Variants in ZEB1 observed in about 807,000 individuals in gnomAD.
The protein encoded by ZEB1 is zinc finger E-box binding homeobox 1.
In ZEB1, 21 loss-of-function variants were observed where a neutral mutation model predicts 84.9. The ratio of observed to expected loss-of-function variants is 0.25; its 90% CI spans 0.18 to 0.36. ZEB1 has a LOEUF of 0.36. Among genes scored for constraint, ZEB1 ranks in the 10% least tolerant of loss-of-function variants. The pLI is 1.00. For missense variants in ZEB1, 1,104 were observed against 1,330.2 expected, an observed-to-expected ratio of 0.83 and a Z score of 2.65; for synonymous variants, 420 against 471.1, an observed-to-expected ratio of 0.89 and a Z score of 1.41.
At chr10:31,446,252 C>G (rs1395707694) in intron 1 of ZEB1, among the ~76,000 whole-genome samples, 1 of 152,052 alleles carries the variant, frequency 6.6e-6, no homozygotes, top group Non-Finnish European at 1.5e-5. Flanking sequence ...TCTGTGGGAT[C>G]GGTGGTGATA....
intron 1 of ZEB1, among the ~76,000 whole-genome samples, chr10:31,341,368 G>A (rs2039327676): frequency 6.6e-6 from 1 of 152,004 alleles, no homozygotes; most frequent in Admixed American, 6.6e-5. Flanking sequence ...ATGACCAGTG[G>A]GAGAGAAAAA....
chr10:31,363,143 C>T (rs919626815), intron 1 of ZEB1: 7 of 1,533,920 alleles, frequency 4.6e-6, no homozygotes, highest in Non-Finnish European at 6.1e-6. Context: ...GCTGCAGGAT[C>T]CTTGGGCTGC....
At chr10:31,366,045 G>A (rs184410118) in intron 1 of ZEB1, among the ~76,000 whole-genome samples, 251 of 152,272 alleles carry the variant, frequency 1.6e-3, no homozygotes, top group Non-Finnish European at 2.7e-3. Flanking sequence ...GCAAATCAGA[G>A]CTAATCAACC....
At chr10:31,414,507 TTAAAA>T (rs2054868503) in intron 1 of ZEB1, among the ~76,000 whole-genome samples, 1 of 152,194 alleles carries the variant, frequency 6.6e-6, no homozygotes. Context: ...CATAAATACT[TTAAAA>T]TAAATTTGAA....
At position 31,527,069 on chromosome 10, in the gene ZEB1, A is replaced by G. The variant is rs2073605946; in HGVS notation, c.3183A>G (p.Gln1061=). ...AAGAAAAAGAATGTGAAAAACCACA[A>G]GGGGATGAGGAAGAGGAGGAGGAGG... ...LQEEKECEKP[Q]GDEEEEEEEE... Residue 1061 remains glutamine, a synonymous_variant, in exon 9 of 9, where the codon CAA becomes CAG. Transcript: ENST00000424869. 3.2e-6 allele frequency: 5 copies of G among 1,586,762 alleles called. No individual in the cohort carries two copies. Among genetic ancestry groups the G allele is most frequent in the Non-Finnish European group, 4.3e-6 (5 of 1,164,002 alleles).
chr10:31,372,911 T>C, intron 1 of ZEB1: 1 of 682,602 alleles, frequency 1.5e-6, no homozygotes, highest in Non-Finnish European at 1.8e-6. Context: ...ATATTAGGAC[T>C]GCTTGAACAG....
chr10:31,375,090 C>CACACACACACACACACAG (rs1204880411), intron 1 of ZEB1: 3 of 139,920 alleles, frequency 2.1e-5, no homozygotes, highest in South Asian at 2.2e-4. Flanking sequence ...CACACACACA[C>CACACACACACACACACAG]AGAGAAGCAT....
intron 1 of ZEB1, among the ~76,000 whole-genome samples, chr10:31,441,640 A>G (rs1157482272): frequency 6.6e-6 from 1 of 152,090 alleles, no homozygotes; most frequent in African/African-American, 2.4e-5. Flanking sequence ...ATGGGAAAAA[A>G]TTTTTGCAAT....
At chr10:31,318,930 C>T (rs888492431), upstream of ZEB1, 14 of 467,514 alleles carry the variant, frequency 3.0e-5, no homozygotes, top group African/African-American at 2.0e-4. Context: ...CCTTTCTGAC[C>T]GCGTCCCTAC....
At chr10:31,342,006 C>T (rs2039462937) in intron 1 of ZEB1, among the ~76,000 whole-genome samples, 1 of 152,130 alleles carries the variant, frequency 6.6e-6, no homozygotes, top group African/African-American at 2.4e-5. Context: ...TTTAGATGAT[C>T]AGCTGTGCCA....
At chr10:31,455,342 A>G (rs1185889159) in intron 1 of ZEB1, among the ~76,000 whole-genome samples, 1 of 152,230 alleles carries the variant, frequency 6.6e-6, no homozygotes, top group African/African-American at 2.4e-5. Context: ...CATTCAGGTC[A>G]TAGGCATGGG....
chr10:31,456,137 C>T (rs559519468), intron 1 of ZEB1, among the ~76,000 whole-genome samples: 6 of 152,308 alleles, frequency 3.9e-5, no homozygotes, highest in Non-Finnish European at 8.8e-5. Flanking sequence ...AACCATCATT[C>T]TCAGCAAACT....
At chr10:31,333,604 A>G (rs920506868) in intron 1 of ZEB1, among the ~76,000 whole-genome samples, 2 of 152,184 alleles carry the variant, frequency 1.3e-5, no homozygotes, top group Admixed American at 6.5e-5. Context: ...GAAGTAGAAC[A>G]AGAAACAATA....
Position 31,526,958 on chromosome 10 carries a change from CGAGAGAGA to C in ZEB1, c.3076_3083del (p.Arg1026PhefsTer7), listed in dbSNP as rs777463055. On this transcript the variant is annotated frameshift_variant, in exon 9 of 9. Transcript: ENST00000424869. LOFTEE classifies it low-confidence loss of function (END_TRUNC). ...CGTCTCCCTCACAGGGCGACTCGGA[CGAGAGAGA>C]GAGTTTGACAAGGGAAGAGGATGAA... The C allele has an allele frequency of 1.2e-6, 2 of 1,612,628 alleles. No homozygotes were observed. Among genetic ancestry groups the C allele is most frequent in the Non-Finnish European group, 1.7e-6 (2 of 1,179,762 alleles).
chr10:31,320,976 C>T (rs964981751), intron 1 of ZEB1, among the ~76,000 whole-genome samples: 1 of 152,118 alleles, frequency 6.6e-6, no homozygotes, highest in Non-Finnish European at 1.5e-5. Context: ...CCGAGGGGCT[C>T]GCTTTGGTTC....
intron 1 of ZEB1, among the ~76,000 whole-genome samples, chr10:31,338,011 T>C (rs969948892): frequency 1.3e-5 from 2 of 152,130 alleles, no homozygotes; most frequent in African/African-American, 4.8e-5. Context: ...ACCCTGGTTG[T>C]GTGATACTCC....
At chr10:31,319,394 G>C in intron 1 of ZEB1, 102 bp downstream of exon 1, 1 of 1,155,086 alleles carries the variant, frequency 8.7e-7, no homozygotes, top group Non-Finnish European at 1.3e-6. Context: ...GGGCAGCCGG[G>C]GCAGGGACGG....
intron 1 of ZEB1, among the ~76,000 whole-genome samples, chr10:31,353,632 A>C (rs900535446): frequency 6.6e-6 from 1 of 152,258 alleles, no homozygotes; most frequent in African/African-American, 2.4e-5. Flanking sequence ...CAGAGAAAGA[A>C]GTCTAAAGAG....
chr10:31,408,051 G>A lies in ZEB1; in HGVS notation c.59-52986G>A, dbSNP rs559425451. On this transcript the variant is annotated intron_variant, in intron 1 of 8. Transcript: ENST00000424869. The stretch of plus-strand genomic sequence containing the variant: ...GATAAGCAACTTCAGCAAAGTCTCA[G>A]GATACAAAATCAATGTACAAAAATC... 5.6e-3 allele frequency among the ~76,000 whole-genome samples: 842 copies of A among 150,604 alleles called. 13 individuals are homozygous for A. The highest frequency in any genetic ancestry group is 0.02 in the African/African-American group (806 of 40,648).
Sources: gnomAD v4.1 joint callset for allele counts (sites outside exome capture counted in the v4.1 genomes callset) on GRCh38, gnomAD v4.1.1 for gene constraint, MANE v1.5 for transcripts, NCBI Gene and HGNC (gene_info 2026-07-23, HGNC 2026-07-21) for gene names.